The following CRISPLD2 variants were observed in gnomAD, a reference collection of about 807,000 sequenced individuals.
CRISPLD2 encodes the protein cysteine rich secretory protein LCCL domain containing 2.
A neutral mutation model predicts 71.1 loss-of-function variants in CRISPLD2; 47 were observed. The ratio of observed to expected loss-of-function variants is 0.66; its 90% CI spans 0.52 to 0.84. CRISPLD2 has a LOEUF of 0.84. Among genes scored for constraint, CRISPLD2 ranks in the 40% least tolerant of loss-of-function variants. The probability of loss-of-function intolerance (pLI) is 0.00; values close to 1 mark genes in which losing one functional copy is unlikely to be tolerated. For missense variants in CRISPLD2, 830 were observed against 651.1 expected (o/e 1.27, Z -2.99); for synonymous variants, 317 against 250.1 (o/e 1.27, Z -2.52).
intron 14 of CRISPLD2, among the ~76,000 whole-genome samples, chr16:84,904,537 T>C (rs959466571): frequency 1.3e-5 from 2 of 151,236 alleles, no homozygotes; most frequent in African/African-American, 4.9e-5. Flanking sequence ...TGAGCCAAGA[T>C]TGCACCACTG....
At position 84,849,447 on chromosome 16, in the gene CRISPLD2, C is replaced by T. The variant is rs145249439; in HGVS notation, c.422C>T (p.Pro141Leu). The T allele has an allele frequency of 3.7e-5, 59 of 1,614,052 alleles. No individual in the cohort carries two copies. The African/African-American group carries it at 5.7e-4, about 16-fold the overall frequency. ...WYDEVKDYTYPYPSECNPWCP... is the reference protein window; with the variant it reads ...WYDEVKDYTYLYPSECNPWCP... ...GACGAGGTGAAGGACTACACCTACC[C>T]CTACCCGAGCGAGTGCAACCCCTGG... The change falls in exon 4 of 15, where the codon CCC becomes CTC. Residue 141 changes from proline to leucine, a missense_variant. By Grantham distance (98) the Pro-to-Leu change is moderately conservative. Coordinates refer to ENST00000262424, the MANE Select transcript of CRISPLD2 (RefSeq NM_031476.4).
intron 6 of CRISPLD2, among the ~76,000 whole-genome samples, chr16:84,859,346 G>T (rs1051529648): frequency 6.6e-6 from 1 of 152,106 alleles, no homozygotes; most frequent in African/African-American, 2.4e-5. Context: ...GTGATGTTTT[G>T]GGTCCCCTGG....
intron 11 of CRISPLD2, among the ~76,000 whole-genome samples, chr16:84,875,681 T>C (rs894775290): frequency 2.6e-5 from 4 of 151,338 alleles, no homozygotes; most frequent in Non-Finnish European, 5.9e-5. Flanking sequence ...CTTAGCCTCC[T>C]GAGTAGCTGG....
chr16:84,857,614 A>G (rs572485742), intron 6 of CRISPLD2, among the ~76,000 whole-genome samples: 9 of 152,306 alleles, frequency 5.9e-5, no homozygotes, highest in African/African-American at 2.2e-4. Context: ...CTTCACTGCC[A>G]TCCCTCAAGC....
At chr16:84,889,135 G>C in intron 13 of CRISPLD2, 95 bp from the exon 14 acceptor site, 1 of 1,536,056 alleles carries the variant, frequency 6.5e-7, no homozygotes, top group Non-Finnish European at 9.0e-7. Context: ...CATCCCACCA[G>C]CCAGGTTGCC....
intron 1 of CRISPLD2, among the ~76,000 whole-genome samples, chr16:84,823,630 C>T (rs1916280333): frequency 6.6e-6 from 1 of 152,166 alleles, no homozygotes; most frequent in Non-Finnish European, 1.5e-5. Context: ...CCTTCTACCC[C>T]AGGCTGTACA....
At chr16:84,841,550 A>C (rs1352537871) in intron 2 of CRISPLD2, among the ~76,000 whole-genome samples, 1 of 152,068 alleles carries the variant, frequency 6.6e-6, no homozygotes, top group Admixed American at 6.5e-5. Flanking sequence ...AAAAGAAAAA[A>C]AAAGAAACAG....
At chr16:84,855,124 T>C (rs1917202512) in intron 6 of CRISPLD2, among the ~76,000 whole-genome samples, 1 of 152,030 alleles carries the variant, frequency 6.6e-6, no homozygotes, top group Admixed American at 6.6e-5. Flanking sequence ...GACGCACTGC[T>C]CACCCTCGTT....
rs1246381068 is a variant in CRISPLD2 at position 84,887,893 on chromosome 16, A to G, written c.1306-1337A>G. On this transcript the variant is annotated intron_variant, in intron 13 of 14. Transcript: ENST00000262424. ...CTCCGTCTCAAAAAATAGATAGATA[A>G]ATAAATAAATAAATTGAAGTCATCA... is the stretch of plus-strand genomic sequence containing the variant. Among the ~76,000 whole-genome samples the G allele has an allele frequency of 2.0e-5, 3 of 152,180 alleles. No homozygotes were observed. In the South Asian group the frequency reaches 6.2e-4, roughly 32 times the overall value.
intron 5 of CRISPLD2, among the ~76,000 whole-genome samples, chr16:84,851,287 G>A (rs1415871584): frequency 6.6e-6 from 1 of 152,166 alleles, no homozygotes; most frequent in Non-Finnish European, 1.5e-5. Flanking sequence ...TGCCTCCTCC[G>A]CCTATAGCAT....
chr16:84,890,306 C>G (rs2071650213), intron 14 of CRISPLD2, among the ~76,000 whole-genome samples: 1 of 151,476 alleles, frequency 6.6e-6, no homozygotes. Flanking sequence ...TTGCAGTGAG[C>G]TGAGATCGCG....
rs1294478661 is a variant in CRISPLD2 at position 84,872,023 on chromosome 16, TAA to T, written c.915-414_915-413del. Among the ~76,000 whole-genome samples the T allele has an allele frequency of 6.6e-5, 10 of 152,058 alleles. No homozygotes were observed. In the South Asian group the frequency reaches 1.2e-3, roughly 19 times the overall value. On this transcript the variant is annotated intron_variant, in intron 8 of 14. Transcript: ENST00000262424. ...AGTGTGTGGTATTACAGTATAATAA[TAA>T]AAAACTGATACAAATTTTAAAAACA...
At chr16:84,891,643 C>T (rs1597482701) in intron 14 of CRISPLD2, among the ~76,000 whole-genome samples, 1 of 58,454 alleles carries the variant, frequency 1.7e-5, no homozygotes, top group South Asian at 5.7e-4. Flanking sequence ...AAACAGTCTT[C>T]CTGAGCAGCG....
intron 1 of CRISPLD2, among the ~76,000 whole-genome samples, chr16:84,823,488 A>C (rs1916277150): frequency 6.6e-6 from 1 of 152,176 alleles, no homozygotes; most frequent in Admixed American, 6.5e-5. Flanking sequence ...TCATTCCAGA[A>C]TGTGTTGCTG....
At chr16:84,869,058 C>T (rs2071442180) in intron 8 of CRISPLD2, 147 bp downstream of exon 8, 2 of 675,132 alleles carry the variant, frequency 3.0e-6, no homozygotes, top group Non-Finnish European at 4.9e-6. Flanking sequence ...GGGGTTAGGG[C>T]TGGGCAGTGT....
Position 84,838,641 on chromosome 16 carries a change from G to A in CRISPLD2, c.146G>A (p.Arg49Lys). 6.2e-7 allele frequency: 1 copy of A among 1,614,204 alleles called. No individual in the cohort carries two copies. Among genetic ancestry groups the A allele is most frequent in the Non-Finnish European group, 8.5e-7 (1 of 1,180,008 alleles). ...AACGAGTCTCACTCCCGGGTCCGCA[G>A]AGCCATCCCCAGGGAGGACAAGGAG... ...QHNESHSRVR[R>K]AIPREDKEEI... The change falls in exon 2 of 15, where the codon AGA becomes AAA. Residue 49 changes from arginine (R) to lysine (K), a missense_variant. By Grantham distance (26) the Arg-to-Lys change is conservative (BLOSUM62 2). Transcript: ENST00000262424.
At chr16:84,867,564 G>A (rs1917575718) in intron 7 of CRISPLD2, among the ~76,000 whole-genome samples, 1 of 152,160 alleles carries the variant, frequency 6.6e-6, no homozygotes, top group Non-Finnish European at 1.5e-5. Context: ...TCATTGCAGA[G>A]TTGCCTACAA....
chr16:84,880,742 G>T (rs188145381), intron 13 of CRISPLD2, 158 bp downstream of exon 13: 1 of 539,654 alleles, frequency 1.9e-6, no homozygotes, highest in East Asian at 3.1e-5. Flanking sequence ...GTCTTACTCT[G>T]TTGCCCAGGC....
Position 84,892,773 on chromosome 16 carries a change from C to T in CRISPLD2, c.1439+3410C>T, listed in dbSNP as rs138714917. On this transcript the variant is annotated intron_variant, in intron 14 of 14. Coordinates refer to ENST00000262424, the MANE Select transcript of CRISPLD2 (RefSeq NM_031476.4). The stretch of plus-strand genomic sequence containing the variant: ...GGCAGATCACTTGAGGTCAGGAGTT[C>T]GAGACCAGCCTGACCAACATGGTGA... Among the ~76,000 whole-genome samples, 1,439 of 151,862 alleles carry T rather than the reference C, an allele frequency of 9.5e-3. 93 individuals are homozygous for T. In the East Asian group the frequency reaches 0.16, roughly 17 times the overall value.
Sources: allele counts gnomAD v4.1 joint callset (sites outside exome capture counted in the v4.1 genomes callset), GRCh38; gene constraint gnomAD v4.1.1; transcripts MANE v1.5; gene names NCBI Gene and HGNC (gene_info 2026-07-23, HGNC 2026-07-21).